FAM168A: variants seen among roughly 807,000 people sequenced by gnomAD.
FAM168A encodes protein FAM168A.
Under a neutral mutation model 28.5 loss-of-function variants are expected in FAM168A, and 3 were observed. The ratio of observed to expected loss-of-function variants is 0.11; its 90% confidence interval spans 0.05 to 0.27. The LOEUF is 0.27. Ranked by LOEUF, FAM168A falls within the 10% of genes least tolerant of loss-of-function variation. The pLI, the probability that FAM168A is intolerant of heterozygous loss-of-function variation, is 1.00. For synonymous variants in FAM168A, 122 were observed against 124.2 expected (o/e 0.98, Z 0.12); for missense variants, 222 against 311.5 (o/e 0.71, Z 2.16).
At chr11:73,546,285 T>C (rs1442365864) in intron 1 of FAM168A, among the ~76,000 whole-genome samples, 2 of 152,192 alleles carry the variant, frequency 1.3e-5, no homozygotes, top group East Asian at 3.9e-4. Flanking sequence ...AGTTCACCTA[T>C]GTGGGGGGCG....
intron 3 of FAM168A, among the ~76,000 whole-genome samples, chr11:73,427,374 G>C (rs945884227): frequency 2.1e-5 from 3 of 142,792 alleles, no homozygotes; most frequent in Admixed American, 6.7e-5. Context: ...TAAAATTAAA[G>C]CTGAATAACA....
At chr11:73,409,015 C>T (rs1866559026) in intron 6 of FAM168A, among the ~76,000 whole-genome samples, 1 of 152,088 alleles carries the variant, frequency 6.6e-6, no homozygotes, top group Admixed American at 6.6e-5. Context: ...CCCTTCTAAT[C>T]CTGTCTCCAC....
chr11:73,431,837 T>A (rs1867000452), intron 2 of FAM168A, among the ~76,000 whole-genome samples: 1 of 152,234 alleles, frequency 6.6e-6, no homozygotes. Context: ...GTAACATTAA[T>A]GACATTTACA....
At chr11:73,413,744 T>A (rs1420338197) in intron 4 of FAM168A, among the ~76,000 whole-genome samples, 1 of 152,188 alleles carries the variant, frequency 6.6e-6, no homozygotes, top group East Asian at 1.9e-4. Context: ...GATTTTGTTT[T>A]TATTCCATGA....
At chr11:73,482,703 T>C (rs1054616903) in intron 1 of FAM168A, among the ~76,000 whole-genome samples, 2 of 151,984 alleles carry the variant, frequency 1.3e-5, no homozygotes, top group African/African-American at 2.4e-5. Flanking sequence ...ACCTAGAAAT[T>C]TCATATAATG....
chr11:73,433,529 T>C (rs974037618), intron 2 of FAM168A, among the ~76,000 whole-genome samples: 2 of 152,162 alleles, frequency 1.3e-5, no homozygotes, highest in Admixed American at 6.5e-5. Context: ...TATATTGAGA[T>C]CACTGATCCA....
chr11:73,560,621 A>G (rs1019082682), intron 1 of FAM168A, among the ~76,000 whole-genome samples: 2 of 152,270 alleles, frequency 1.3e-5, no homozygotes, highest in African/African-American at 4.8e-5. Context: ...TGAAAGAGGT[A>G]CTACATACCT....
At chr11:73,527,604 T>G (rs1943464003) in intron 1 of FAM168A, among the ~76,000 whole-genome samples, 1 of 152,182 alleles carries the variant, frequency 6.6e-6, no homozygotes, top group African/African-American at 2.4e-5. Context: ...AACCATGGAT[T>G]GCTATTGTCA....
At chr11:73,567,810 T>C (rs903053645) in intron 1 of FAM168A, among the ~76,000 whole-genome samples, 20 of 152,138 alleles carry the variant, frequency 1.3e-4, no homozygotes, top group Admixed American at 3.3e-4. Flanking sequence ...TAAGCTATCA[T>C]TGAGAATGCA....
At chr11:73,512,599 T>C (rs1012517420) in intron 1 of FAM168A, among the ~76,000 whole-genome samples, 5 of 151,024 alleles carry the variant, frequency 3.3e-5, no homozygotes, top group African/African-American at 9.7e-5. Context: ...GCTATTTTAT[T>C]AAAAAAGAAA....
chr11:73,509,850 T>C (rs551047285), intron 1 of FAM168A, among the ~76,000 whole-genome samples: 56 of 152,280 alleles, frequency 3.7e-4, no homozygotes, highest in Admixed American at 2.4e-3. Context: ...ATTCAAATCC[T>C]GGCCATCCTT....
rs563453278 is a variant in FAM168A, at chr11:73,470,189, C to G, written c.-18-1697G>C. 4.6e-5 allele frequency among the ~76,000 whole-genome samples: 7 copies of G among 152,262 alleles called. No homozygotes were observed. The South Asian group carries it at 1.5e-3, about 32-fold the overall frequency. ...CCTCCCAAAGTGCTGGGATTACAGT[C>G]GTGAGCCACCGCGCCTGGCCGATCA... On this transcript the variant is annotated intron_variant, in intron 1 of 7. Transcript: ENST00000356467.
At chr11:73,513,783 T>C (rs999424128) in intron 1 of FAM168A, among the ~76,000 whole-genome samples, 1 of 152,190 alleles carries the variant, frequency 6.6e-6, no homozygotes, top group African/African-American at 2.4e-5. Context: ...GCCTGTCTAA[T>C]ATAACAAAAA....
chr11:73,479,498 C>A (rs569788537), intron 1 of FAM168A, among the ~76,000 whole-genome samples: 1 of 152,202 alleles, frequency 6.6e-6, no homozygotes, highest in African/African-American at 2.4e-5. Context: ...CAGAAAATAT[C>A]AAGTAATTTG....
chr11:73,562,185 C>T (rs1047890619), intron 1 of FAM168A, among the ~76,000 whole-genome samples: 3 of 152,232 alleles, frequency 2.0e-5, no homozygotes, highest in African/African-American at 7.2e-5. Flanking sequence ...TCGTGATCCG[C>T]CTGCCCTGGC....
chr11:73,486,456 A>G (rs1868054804), intron 1 of FAM168A, among the ~76,000 whole-genome samples: 1 of 152,186 alleles, frequency 6.6e-6, no homozygotes, highest in African/African-American at 2.4e-5. Context: ...ATTATACAAT[A>G]TTTGTCCTTT....
intron 1 of FAM168A, among the ~76,000 whole-genome samples, chr11:73,578,914 G>GGCT (rs1944209469): frequency 6.6e-6 from 1 of 152,126 alleles, no homozygotes; most frequent in African/African-American, 2.4e-5. Context: ...AGTCAGCTCA[G>GGCT]GCTGCTGTGT....
intron 1 of FAM168A, among the ~76,000 whole-genome samples, chr11:73,477,369 G>A (rs1295711778): frequency 1.3e-5 from 2 of 151,430 alleles, no homozygotes; most frequent in African/African-American, 4.8e-5. Flanking sequence ...TAAAATAAAA[G>A]TCAAGGGGGA....
At chr11:73,471,769 C>A (rs971931233) in intron 1 of FAM168A, among the ~76,000 whole-genome samples, 1 of 152,026 alleles carries the variant, frequency 6.6e-6, no homozygotes, top group African/African-American at 2.4e-5. Flanking sequence ...AGAACAAGAA[C>A]AACAAAAATT....
Sources: gnomAD v4.1 joint callset for allele counts (sites outside exome capture counted in the v4.1 genomes callset) on GRCh38, gnomAD v4.1.1 for gene constraint, MANE v1.5 for transcripts, NCBI Gene and HGNC (gene_info 2026-07-23, HGNC 2026-07-21) for gene names.